The following IMPG2 variants were observed in gnomAD, a reference collection of about 807,000 sequenced individuals.
IMPG2 encodes IPM 200.
IMPG2 carries 91 observed loss-of-function variants against 129.2 expected under a neutral mutation model. That is an observed-to-expected ratio of 0.70 (90% confidence interval 0.59 to 0.84). The LOEUF is 0.84. Ranked by LOEUF, IMPG2 falls within the 40% of genes least tolerant of loss-of-function variation. The probability of loss-of-function intolerance (pLI) is 0.00; values close to 1 mark genes in which losing one functional copy is unlikely to be tolerated. For missense variants in IMPG2, 1,430 were observed against 1,461.7 expected, an observed-to-expected ratio of 0.98 and a Z score of 0.35; for synonymous variants, 510 against 517.7, an observed-to-expected ratio of 0.99 and a Z score of 0.20.
intron 7 of IMPG2, among the ~76,000 whole-genome samples, chr3:101,272,736 G>A (rs1307357190): frequency 1.3e-5 from 2 of 152,110 alleles, no homozygotes; most frequent in Non-Finnish European, 2.9e-5. Context: ...CTACAATAAT[G>A]CTTTGGCTGA....
intron 16 of IMPG2, among the ~76,000 whole-genome samples, chr3:101,230,317 C>T (rs1576742311): frequency 6.6e-6 from 1 of 152,164 alleles, no homozygotes; most frequent in African/African-American, 2.4e-5. Context: ...GCAAATGGAC[C>T]AGGTTTTATT....
intron 3 of IMPG2, among the ~76,000 whole-genome samples, chr3:101,299,504 T>G (rs1707117242): frequency 6.6e-6 from 1 of 152,258 alleles, no homozygotes; most frequent in Non-Finnish European, 1.5e-5. Flanking sequence ...CCTTTTTTTG[T>G]TGATTCTTTC....
chr3:101,255,173 C>T (rs1452926662), intron 10 of IMPG2, among the ~76,000 whole-genome samples: 2 of 152,102 alleles, frequency 1.3e-5, no homozygotes, highest in African/African-American at 4.8e-5. Context: ...CAAGGAGGAT[C>T]ATATCTTTTG....
At chr3:101,304,333 T>G in intron 2 of IMPG2, 21 bp from the exon 3 acceptor site, 1 of 1,612,536 alleles carries the variant, frequency 6.2e-7, no homozygotes, top group Middle Eastern at 1.7e-4. Flanking sequence ...GAGAGGTGTT[T>G]TTTTACAAAA....
chr3:101,238,803 T>C (rs1706374919), intron 14 of IMPG2, among the ~76,000 whole-genome samples: 2 of 152,266 alleles, frequency 1.3e-5, no homozygotes, highest in South Asian at 4.1e-4. Context: ...ATAAAGAAAC[T>C]GCATCTACTA....
intron 4 of IMPG2, among the ~76,000 whole-genome samples, chr3:101,282,748 T>C (rs537123516): frequency 1.3e-5 from 2 of 152,292 alleles, no homozygotes; most frequent in East Asian, 3.9e-4. Context: ...AGCACTCTCA[T>C]GCCCAACACT....
intron 2 of IMPG2, among the ~76,000 whole-genome samples, chr3:101,316,189 T>C (rs1437536824): frequency 6.6e-6 from 1 of 152,006 alleles, no homozygotes; most frequent in Non-Finnish European, 1.5e-5. Context: ...GAAAAAACTT[T>C]GTGATCTTGG....
chr3:101,229,790 G>A (rs1706267215), intron 16 of IMPG2, among the ~76,000 whole-genome samples, 200 bp from the exon 17 acceptor site: 1 of 152,190 alleles, frequency 6.6e-6, no homozygotes, highest in Admixed American at 6.5e-5. Context: ...CACACCCATG[G>A]CAAGTGCCCT....
intron 14 of IMPG2, among the ~76,000 whole-genome samples, chr3:101,241,932 G>A (rs1488614402): frequency 6.6e-6 from 1 of 152,086 alleles, no homozygotes; most frequent in African/African-American, 2.4e-5. Context: ...GGGAGGCTGA[G>A]GCAGGAGAAT....
chr3:101,309,587 C>A (rs1576772450), intron 2 of IMPG2, among the ~76,000 whole-genome samples: 1 of 152,056 alleles, frequency 6.6e-6, no homozygotes, highest in African/African-American at 2.4e-5. Flanking sequence ...CATGGGGGAA[C>A]CACCCCCCAT....
intron 7 of IMPG2, among the ~76,000 whole-genome samples, chr3:101,271,932 A>G (rs1706786980): frequency 3.3e-5 from 5 of 152,162 alleles, no homozygotes; most frequent in Admixed American, 3.3e-4. Context: ...AAACAAATAG[A>G]AAGTCGCCTG....
intron 4 of IMPG2, among the ~76,000 whole-genome samples, chr3:101,280,946 CA>C (rs200919965): frequency 0.14 from 20,369 of 140,650 alleles, 1,456 homozygotes; most frequent in South Asian, 0.19. Context: ...GAGACTGTTG[CA>C]AAAAAAAAAA....
At chr3:101,308,080 C>T (rs941899597) in intron 2 of IMPG2, among the ~76,000 whole-genome samples, 21 of 152,228 alleles carry the variant, frequency 1.4e-4, no homozygotes, top group Non-Finnish European at 2.2e-4. Flanking sequence ...GGTGGACTCC[C>T]ACAGTCTTGG....
At chr3:101,248,187 A>T (rs1406382054) in intron 11 of IMPG2, among the ~76,000 whole-genome samples, 1 of 152,010 alleles carries the variant, frequency 6.6e-6, no homozygotes, top group Non-Finnish European at 1.5e-5. Context: ...TGTGGGAGGG[A>T]CCTGGTGGGA....
At chr3:101,307,859 G>A (rs1051442505) in intron 2 of IMPG2, among the ~76,000 whole-genome samples, 2 of 152,130 alleles carry the variant, frequency 1.3e-5, no homozygotes, top group Non-Finnish European at 2.9e-5. Flanking sequence ...TCTCATCTGA[G>A]ACAAGGCAAG....
chr3:101,240,311 G>T (rs1706393412), intron 14 of IMPG2, among the ~76,000 whole-genome samples: 4 of 152,156 alleles, frequency 2.6e-5, no homozygotes, highest in South Asian at 4.1e-4. Flanking sequence ...TAGAGATGGA[G>T]ACTCACTATG....
intron 4 of IMPG2, among the ~76,000 whole-genome samples, chr3:101,279,078 G>T (rs1706867166): frequency 6.6e-6 from 1 of 152,120 alleles, no homozygotes; most frequent in Non-Finnish European, 1.5e-5. Flanking sequence ...ATAGATGAAA[G>T]AAATAAGGTC....
chr3:101,260,681 C>T lies in IMPG2; in HGVS notation c.909-2908G>A, dbSNP rs140089401. The stretch of plus-strand genomic sequence containing the variant: ...CTTATATCTTCCACATACACATGTA[C>T]ACACACATACAGATACCTTCTTCAC... On this transcript the variant is annotated intron_variant, in intron 9 of 18. Coordinates refer to ENST00000193391, the MANE Select transcript of IMPG2 (RefSeq NM_016247.4). Among the ~76,000 whole-genome samples, 133 of 152,278 alleles carry T rather than the reference C, an allele frequency of 8.7e-4. No homozygotes were observed. The Middle Eastern group carries it at 0.01, about 12-fold the overall frequency.
At chr3:101,304,693 T>C (rs1707170705) in intron 2 of IMPG2, among the ~76,000 whole-genome samples, 1 of 152,156 alleles carries the variant, frequency 6.6e-6, no homozygotes, top group South Asian at 2.1e-4. Flanking sequence ...TGTTTGCAGA[T>C]GTTCTCCTGA....
Sources: gnomAD v4.1 joint callset for allele counts (sites outside exome capture counted in the v4.1 genomes callset) on GRCh38, gnomAD v4.1.1 for gene constraint, MANE v1.5 for transcripts, NCBI Gene and HGNC (gene_info 2026-07-23, HGNC 2026-07-21) for gene names.